ERGIC1: variants seen among roughly 807,000 people sequenced by gnomAD.
ERGIC1 encodes endoplasmic reticulum-golgi intermediate compartment 1.
In ERGIC1, 19 loss-of-function variants were observed where a neutral mutation model predicts 38.3. The observed-to-expected ratio is 0.50, with a 90% confidence interval of 0.35 to 0.73. The LOEUF (loss-of-function observed/expected upper bound fraction) is 0.73. Ranked by LOEUF, ERGIC1 falls within the 30% of genes least tolerant of loss-of-function variation. ERGIC1 has a pLI of 0.01. For synonymous variants in ERGIC1, 124 were observed against 157.6 expected (o/e 0.79, Z 1.60); for missense variants, 294 against 389.2 (o/e 0.76, Z 2.06).
chr5:172,912,330 T>C (rs1479755219), intron 4 of ERGIC1, among the ~76,000 whole-genome samples: 2 of 152,206 alleles, frequency 1.3e-5, no homozygotes, highest in Non-Finnish European at 2.9e-5. Flanking sequence ...TGTGCCTCAG[T>C]TGCCCTAGAT....
chr5:172,872,655 A>G (rs1235604281), intron 1 of ERGIC1, among the ~76,000 whole-genome samples: 1 of 152,126 alleles, frequency 6.6e-6, no homozygotes, highest in African/African-American at 2.4e-5. Flanking sequence ...CCTCTAGTAA[A>G]AATTCCAAAA....
chr5:172,859,061 G>A lies in ERGIC1; in HGVS notation c.20+24628G>A, dbSNP rs559072887. ...CTCCCAGGTCTGGGTCGTCATCGGC[G>A]CCCTTACCGGGGAGGGCTCTGCTCC... On this transcript the variant is annotated intron_variant, in intron 1 of 9. Transcript: ENST00000393784. 3.9e-5 allele frequency among the ~76,000 whole-genome samples: 6 copies of A among 152,278 alleles called. No homozygotes were observed. The South Asian group carries it at 1.2e-3, about 32-fold the overall frequency.
chr5:172,904,546 C>T (rs895985709), intron 3 of ERGIC1, among the ~76,000 whole-genome samples: 1 of 152,226 alleles, frequency 6.6e-6, no homozygotes, highest in African/African-American at 2.4e-5. Flanking sequence ...ACACTGGTGA[C>T]AGGGGAGTCA....
intron 1 of ERGIC1, among the ~76,000 whole-genome samples, chr5:172,861,073 G>A (rs530568260): frequency 2.0e-5 from 3 of 152,160 alleles, no homozygotes; most frequent in Non-Finnish European, 4.4e-5. Flanking sequence ...CCAGCCTGCA[G>A]GGCCTGTGGG....
At chr5:172,915,478 C>T (rs1328806784) in intron 5 of ERGIC1, 1 of 438,508 alleles carries the variant, frequency 2.3e-6, no homozygotes, top group Non-Finnish European at 4.8e-6. Flanking sequence ...CTTGTCCGCT[C>T]AGAAGGACCA....
intron 1 of ERGIC1, among the ~76,000 whole-genome samples, chr5:172,877,124 G>A (rs1581533419): frequency 6.6e-6 from 1 of 152,192 alleles, no homozygotes; most frequent in Middle Eastern, 3.4e-3. Flanking sequence ...CTTTTTCACA[G>A]TTGCTTTGGC....
At position 172,838,015 on chromosome 5, in the gene ERGIC1, C is replaced by T. The variant is rs150995496; in HGVS notation, c.20+3582C>T. Among the ~76,000 whole-genome samples the T allele has an allele frequency of 1.1e-4, 17 of 152,230 alleles. 1 individual carries two copies. The highest frequency in any genetic ancestry group is 4.1e-4 in the African/African-American group (17 of 41,540). ...GTGGCTGCTGTCCCACAGTGACAGC[C>T]CCCATGTTGAAAACCCAAGGCCTCG... On this transcript the variant is annotated intron_variant, in intron 1 of 9. Coordinates refer to ENST00000393784, the MANE Select transcript of ERGIC1 (RefSeq NM_001031711.3).
chr5:172,846,844 C>G lies in ERGIC1; in HGVS notation c.20+12411C>G, dbSNP rs1399274401. On this transcript the variant is annotated intron_variant, in intron 1 of 9. Transcript: ENST00000393784. This position sits in a 1 kb window ranked among gnomAD's most constrained non-coding sequence, Gnocchi z 4.0. ...TAAATAAGTTTGCCTCTGTAAAGCC[C>G]TTAGAACTGTGCCTGGCATCTGTTA... 6.6e-6 allele frequency among the ~76,000 whole-genome samples: 1 copy of G among 152,098 alleles called. No homozygotes were observed. Among genetic ancestry groups the G allele is most frequent in the Non-Finnish European group, 1.5e-5 (1 of 68,030 alleles).
intron 3 of ERGIC1, among the ~76,000 whole-genome samples, chr5:172,902,745 TCTCCATCCCTCC>T (rs1355378194): frequency 2.6e-5 from 4 of 152,002 alleles, no homozygotes; most frequent in Non-Finnish European, 5.9e-5. Context: ...GCTTGCAGAA[TCTCCATCCCTCC>T]CTCCACCCCA....
In ERGIC1 at chr5:172,837,378, T is replaced by C. The variant is rs1581500064; in HGVS notation, c.20+2945T>C. Reference sequence around the variant, plus strand: ...ATTTTGGCCGCCATATTTATTTGTGTCATTTTATTTAAGCACCCATCATCT... The same window carrying C: ...ATTTTGGCCGCCATATTTATTTGTGCCATTTTATTTAAGCACCCATCATCT... On this transcript the variant is annotated intron_variant, in intron 1 of 9. Coordinates refer to ENST00000393784, the MANE Select transcript of ERGIC1 (RefSeq NM_001031711.3). This position sits in a 1 kb window ranked among gnomAD's most constrained non-coding sequence, Gnocchi z 4.3. Among the ~76,000 whole-genome samples, 1 of 152,212 alleles carries C rather than the reference T, an allele frequency of 6.6e-6. No homozygotes were observed.
chr5:172,906,699 A>C (rs530827311), intron 3 of ERGIC1, among the ~76,000 whole-genome samples: 47 of 152,160 alleles, frequency 3.1e-4, no homozygotes, highest in Non-Finnish European at 5.7e-4. Context: ...TAGATAGGGC[A>C]GTTCTCTTTT....
intron 1 of ERGIC1, among the ~76,000 whole-genome samples, chr5:172,847,491 A>G (rs1192396340): frequency 6.6e-6 from 1 of 152,100 alleles, no homozygotes; most frequent in Non-Finnish European, 1.5e-5. Context: ...ATTCCTAAAC[A>G]GCATGTGATA....
rs1024377142 is a variant in ERGIC1, at chr5:172,949,661, G to GT, written c.766-1048_766-1047insT. The stretch of plus-strand genomic sequence containing the variant: ...TGTGGTTGTCACAGCGTGGCGGGGG[G>GT]GGGTATGATTGGCATCTCCTGGGTA... On this transcript the variant is annotated intron_variant, in intron 9 of 9. Transcript: ENST00000393784. Among the ~76,000 whole-genome samples, 25 of 151,852 alleles carry GT rather than the reference G, an allele frequency of 1.6e-4. No individual in the cohort carries two copies. In the East Asian group the frequency reaches 3.3e-3, roughly 20 times the overall value.
At chr5:172,844,856 A>G (rs1024833990) in intron 1 of ERGIC1, among the ~76,000 whole-genome samples, 2 of 152,014 alleles carry the variant, frequency 1.3e-5, no homozygotes, top group African/African-American at 4.8e-5. Context: ...ATCCTTCAAT[A>G]CCTTCGTCCC....
At chr5:172,901,057 T>C (rs1466220278) in intron 3 of ERGIC1, among the ~76,000 whole-genome samples, 1 of 152,186 alleles carries the variant, frequency 6.6e-6, no homozygotes, top group African/African-American at 2.4e-5. Flanking sequence ...AGGTCACAGT[T>C]CTCGTCTTCT....
At chr5:172,867,058 A>G in intron 1 of ERGIC1, 1 of 420,716 alleles carries the variant, frequency 2.4e-6, no homozygotes, top group Non-Finnish European at 4.9e-6. Flanking sequence ...GAGATGATGC[A>G]GATGGAGAGC....
chr5:172,858,157 A>G (rs759062721), intron 1 of ERGIC1, among the ~76,000 whole-genome samples: 2 of 152,200 alleles, frequency 1.3e-5, no homozygotes, highest in Non-Finnish European at 2.9e-5. Context: ...CTTAGGGTTC[A>G]CTGGGCCACT....
rs1180392202 is a variant in ERGIC1, at chr5:172,926,302, A to C, written c.481-207A>C. On this transcript the variant is annotated intron_variant, in intron 6 of 9. Coordinates refer to ENST00000393784, the MANE Select transcript of ERGIC1 (RefSeq NM_001031711.3). The surrounding 1 kb of genome is among the most constrained non-coding windows in gnomAD (Gnocchi z 5.2). ...AAGGGGCCAGGATGGAGCAGCACAT[A>C]GTAGGGGCTAGAGATGGGAAACAAG... Among the ~76,000 whole-genome samples the C allele has an allele frequency of 6.6e-6, 1 of 152,222 alleles. No homozygotes were observed. Among genetic ancestry groups the C allele is most frequent in the Non-Finnish European group, 1.5e-5 (1 of 68,034 alleles).
intron 1 of ERGIC1, among the ~76,000 whole-genome samples, chr5:172,883,066 G>T (rs1257742304): frequency 1.3e-5 from 2 of 152,102 alleles, no homozygotes; most frequent in East Asian, 3.9e-4. Flanking sequence ...CTGAGTAACT[G>T]GGATTATAGG....
Sources: allele counts gnomAD v4.1 joint callset (sites outside exome capture counted in the v4.1 genomes callset), GRCh38; gene constraint gnomAD v4.1.1; non-coding constraint Gnocchi (gnomAD v3.1); transcripts MANE v1.5; gene names NCBI Gene and HGNC (gene_info 2026-07-23, HGNC 2026-07-21).